FMNL1: variants seen among roughly 807,000 people sequenced by gnomAD.
FMNL1 encodes formin like 1.
In FMNL1, 43 loss-of-function variants were observed where a neutral mutation model predicts 121.3. The observed-to-expected ratio is 0.35, with a 90% CI of 0.28 to 0.46. FMNL1 has a LOEUF of 0.46. Ranked by LOEUF, FMNL1 falls within the 20% of genes least tolerant of loss-of-function variation. The probability of loss-of-function intolerance (pLI) is 1.00; values close to 1 mark genes in which losing one functional copy is unlikely to be tolerated. For missense variants in FMNL1, 1,191 were observed against 1,482.4 expected (o/e 0.80, Z 3.23); for synonymous variants, 613 against 613.5 (o/e 1.00, Z 0.01).
In FMNL1 at chr17:45,237,499, C is replaced by G. The variant is rs182570413; in HGVS notation, c.801-47C>G. ...GCCAGGCCTGTGCCCACCCTTGCCG[C>G]GGGTCCTGCCTGTTCTCAAGGGACA... On this transcript the variant is annotated intron_variant, in intron 8 of 26. Transcript: ENST00000331495. This position sits in a 1 kb window ranked among gnomAD's most constrained non-coding sequence, Gnocchi z 4.4. 6.2e-7 allele frequency: 1 copy of G among 1,611,718 alleles called. No homozygotes were observed. Among genetic ancestry groups the G allele is most frequent in the South Asian group, 1.1e-5 (1 of 90,986 alleles).
chr17:45,238,064 G>A (rs894099465), intron 9 of FMNL1: 1 of 202,330 alleles, frequency 4.9e-6, no homozygotes, highest in African/African-American at 2.3e-5. Flanking sequence ...TGCCTACTAT[G>A]TGTCAGGAAC....
Position 45,246,242 on chromosome 17 carries a change from C to A in FMNL1, c.3123C>A (p.Asp1041Glu). 6.2e-7 allele frequency: 1 copy of A among 1,613,638 alleles called. No individual in the cohort carries two copies. Among genetic ancestry groups the A allele is most frequent in the East Asian group, 2.2e-5 (1 of 44,860 alleles). The change falls in exon 25 of 27, where the codon GAC becomes GAA. Residue 1041 changes from aspartate to glutamate, a missense_variant. Physicochemically the swap from Asp to Glu is conservative, Grantham distance 45. Coordinates refer to ENST00000331495, the MANE Select transcript of FMNL1 (RefSeq NM_005892.4). Reference sequence around the variant, plus strand: ...CAAAGGCCCGGCGGCCACAGATGGACCTCATCTCTGAGCTGAAACGGAGGC... The same window carrying A: ...CAAAGGCCCGGCGGCCACAGATGGAACTCATCTCTGAGCTGAAACGGAGGC... ...SPPKARRPQM[D>E]LISELKRRQQ... is the part of the protein sequence containing the mutation.
Position 45,237,594 on chromosome 17 carries a change from G to A in FMNL1, c.849G>A (p.Arg283=). 6.2e-7 allele frequency: 1 copy of A among 1,614,174 alleles called. No individual in the cohort carries two copies. The highest frequency in any genetic ancestry group is 8.5e-7 in the Non-Finnish European group (1 of 1,180,022). The change falls in exon 9 of 27, where the codon CGG becomes CGA. Residue 283 remains arginine (R), a synonymous_variant. Coordinates refer to ENST00000331495, the MANE Select transcript of FMNL1 (RefSeq NM_005892.4). The surrounding 1 kb of genome is among the most constrained non-coding windows in gnomAD (Gnocchi z 4.4). ...LELLAAVCLV[R]GGHDIILAAF... is the part of the protein sequence containing the mutation. The stretch of plus-strand genomic sequence containing the variant: ...TGCTGGCGGCCGTGTGCTTGGTGCG[G>A]GGAGGACATGACATCATCCTTGCAG...
chr17:45,222,158 GCGGGCCCCGCCGCGC>G lies in FMNL1; in HGVS notation c.37_51del (p.Gly13_Pro17del). On this transcript the variant is annotated inframe_deletion, in exon 1 of 27. Coordinates refer to ENST00000331495, the MANE Select transcript of FMNL1 (RefSeq NM_005892.4). ...CGCGGCCGGCAGCGCCGAGCAGCCC[GCGGGCCCCGCCGCGC>G]CGCCCCCCAAGCAGCCCGCGCCTCC... The G allele has an allele frequency of 8.3e-7, 1 of 1,204,548 alleles. No individual in the cohort carries two copies. The highest frequency in any genetic ancestry group is 1.0e-6 in the Non-Finnish European group (1 of 972,494). 74.6% of individuals were successfully genotyped at this position (1,204,548 alleles called of 1,614,324 possible). A position where few individuals can be genotyped will look rare whatever the true frequency, so the allele number is the denominator to read the frequency against.
chr17:45,232,843 A>C, intron 3 of FMNL1: 8 of 519,776 alleles, frequency 1.5e-5, no homozygotes, highest in Non-Finnish European at 1.8e-5. Flanking sequence ...GAGAGAGAGA[A>C]TGTGTGTGTG....
intron 6 of FMNL1, 142 bp downstream of exon 6, chr17:45,234,342 G>A: frequency 7.1e-7 from 1 of 1,416,402 alleles, no homozygotes; most frequent in South Asian, 1.2e-5. Context: ...GACTCATACA[G>A]AGTTTGGGAC....
At position 45,237,266 on chromosome 17, in the gene FMNL1, C is replaced by T. The variant is rs1325324051; in HGVS notation, c.724-15C>T. 3 of 1,614,038 alleles carry T rather than the reference C, an allele frequency of 1.9e-6. No homozygotes were observed. The highest frequency in any genetic ancestry group is 1.3e-5 in the African/African-American group (1 of 75,052). ...GGGCCCTTCCTGGAGACACTGACCT[C>T]TCCTCTCTCCCCAGTCTGGCTTCAG... On this transcript the variant is annotated splice_polypyrimidine_tract_variant and intron_variant, in intron 7 of 26. Coordinates refer to ENST00000331495, the MANE Select transcript of FMNL1 (RefSeq NM_005892.4). This position sits in a 1 kb window ranked among gnomAD's most constrained non-coding sequence, Gnocchi z 4.4.
At position 45,242,473 on chromosome 17, in the gene FMNL1, G is replaced by A. The variant is rs200765921; in HGVS notation, c.2010+8G>A. Reference sequence around the variant, plus strand: ...GATGAGAAGGTGCTGCAGGTGAGTGGCCCTGCCTGGCTCCCCATGTGGGCA... The same window carrying A: ...GATGAGAAGGTGCTGCAGGTGAGTGACCCTGCCTGGCTCCCCATGTGGGCA... On this transcript the variant is annotated splice_region_variant and intron_variant, in intron 16 of 26. Transcript: ENST00000331495. The A allele has an allele frequency of 1.6e-5, 26 of 1,611,850 alleles. No individual in the cohort carries two copies. Among genetic ancestry groups the A allele is most frequent in the Non-Finnish European group, 2.0e-5 (24 of 1,178,336 alleles).
At position 45,241,435 on chromosome 17, in the gene FMNL1, T is replaced by C. The variant is rs2043690901; in HGVS notation, c.1386T>C (p.Pro462=). The C allele has an allele frequency of 7.7e-6, 12 of 1,563,408 alleles. No homozygotes were observed. The highest frequency in any genetic ancestry group is 1.7e-4 in the Middle Eastern group (1 of 5,748). The change falls in exon 14 of 27, where the codon CCT becomes CCC. Residue 462 remains proline, a synonymous_variant. Transcript: ENST00000331495. This position sits in a 1 kb window ranked among gnomAD's most constrained non-coding sequence, Gnocchi z 7.0. ...AMGPSRRPPE[P]EKAPPAAPTR... is the part of the protein sequence containing the mutation. ...GGCCCTCCAGGCGTCCCCCAGAGCC[T>C]GAGAAAGCGCCTCCCGCTGCCCCGA...
Position 45,243,274 on chromosome 17 carries a change from C to T in FMNL1, c.2167C>T (p.Arg723Trp), listed in dbSNP as rs1236549310. The change falls in exon 17 of 27, where the codon CGG becomes TGG. Residue 723 changes from arginine (R) to tryptophan (W), a missense_variant. By Grantham distance (101) the Arg-to-Trp change is moderately radical (BLOSUM62 -3). Coordinates refer to ENST00000331495, the MANE Select transcript of FMNL1 (RefSeq NM_005892.4). ...NRAKNLAITL[R>W]KGNLGAERIC... ...GGCCAAGAACTTGGCCATCACCCTG[C>T]GGAAGGGCAACCTGGGGGCCGAGCG... 32 of 1,613,778 alleles carry T rather than the reference C, an allele frequency of 2.0e-5. No homozygotes were observed. The highest frequency in any genetic ancestry group is 2.5e-5 in the Non-Finnish European group (30 of 1,179,942).
chr17:45,224,812 C>T (rs1395780669), intron 1 of FMNL1, among the ~76,000 whole-genome samples: 1 of 152,236 alleles, frequency 6.6e-6, no homozygotes, highest in Non-Finnish European at 1.5e-5. Flanking sequence ...CCGGCTGCTG[C>T]CTTAGCAACA....
Position 45,233,699 on chromosome 17 carries a change from C to A in FMNL1, c.453C>A (p.Leu151=). ...AGAACCGTGGCCTGGATGTGCTGCT[C>A]GAGTACCTGGCCTTTGCCCAGTGCT... ...NEENRGLDVL[L]EYLAFAQCSV... The change falls in exon 5 of 27, where the codon CTC becomes CTA. Residue 151 remains leucine, a synonymous_variant. Transcript: ENST00000331495. This position sits in a 1 kb window ranked among gnomAD's most constrained non-coding sequence, Gnocchi z 4.1. 1 of 1,614,044 alleles carries A rather than the reference C, an allele frequency of 6.2e-7. No homozygotes were observed. Among genetic ancestry groups the A allele is most frequent in the Non-Finnish European group, 8.5e-7 (1 of 1,179,964 alleles).
intron 7 of FMNL1, 79 bp downstream of exon 7, chr17:45,236,323 T>G: frequency 8.5e-7 from 1 of 1,173,032 alleles, no homozygotes; most frequent in African/African-American, 1.5e-5. Context: ...GCCGAGGCTC[T>G]GGGATCCACT....
Position 45,241,316 on chromosome 17 carries a change from A to G in FMNL1, c.1333-66A>G. 4.4e-6 allele frequency: 7 copies of G among 1,599,900 alleles called. No homozygotes were observed. Among genetic ancestry groups the G allele is most frequent in the Admixed American group, 1.7e-5 (1 of 58,088 alleles). ...CTTGACATCTCCCTCCACCCCGGGAAGAAGATGGAGGCTTGGTGCCAAGGA... is the reference window on the plus strand; with the variant it reads ...CTTGACATCTCCCTCCACCCCGGGAGGAAGATGGAGGCTTGGTGCCAAGGA... On this transcript the variant is annotated intron_variant, in intron 13 of 26. Coordinates refer to ENST00000331495, the MANE Select transcript of FMNL1 (RefSeq NM_005892.4). The surrounding 1 kb of genome is among the most constrained non-coding windows in gnomAD (Gnocchi z 7.0).
intron 10 of FMNL1, 77 bp from the exon 11 acceptor site, chr17:45,238,870 GGGAGGCTT>G: frequency 1.6e-6 from 2 of 1,218,448 alleles, no homozygotes; most frequent in Non-Finnish European, 2.4e-6. Flanking sequence ...TGGAGAAGGA[GGGAGGCTT>G]GGGGTAAGTG....
intron 24 of FMNL1, 38 bp from the exon 25 acceptor site, chr17:45,246,172 G>T: frequency 6.3e-7 from 1 of 1,582,996 alleles, no homozygotes; most frequent in South Asian, 1.1e-5. Flanking sequence ...TTGGTGATGG[G>T]GAGGCATCCT....
Position 45,240,490 on chromosome 17 carries a change from C to A in FMNL1, c.1095C>A (p.Thr365=). 6.2e-7 allele frequency: 1 copy of A among 1,612,702 alleles called. No homozygotes were observed. Among genetic ancestry groups the A allele is most frequent in the Non-Finnish European group, 8.5e-7 (1 of 1,179,284 alleles). ...LDLYLERLRL[T]ESDKLQVQIQ... ...CTGGGGGACAGAGGCTTCGGCTCAC[C>A]GAGAGTGACAAGCTGCAGGTGCAGA... The change falls in exon 12 of 27, where the codon ACC becomes ACA. Residue 365 remains threonine (T), a synonymous_variant. Transcript: ENST00000331495.
chr17:45,223,300 G>T (rs1177151186), intron 1 of FMNL1, among the ~76,000 whole-genome samples: 1 of 152,202 alleles, frequency 6.6e-6, no homozygotes, highest in African/African-American at 2.4e-5. Flanking sequence ...GCCGCAGAGG[G>T]TTCTGGCTCA....
intron 1 of FMNL1, among the ~76,000 whole-genome samples, chr17:45,223,952 G>A (rs779235781): frequency 1.6e-4 from 24 of 152,150 alleles, no homozygotes; most frequent in Non-Finnish European, 3.1e-4. Flanking sequence ...TGGATTTGTG[G>A]CTGTGATTGG....
Sources: gnomAD v4.1 joint callset for allele counts (sites outside exome capture counted in the v4.1 genomes callset) on GRCh38, gnomAD v4.1.1 for gene constraint, Gnocchi (gnomAD v3.1) non-coding constraint, MANE v1.5 for transcripts, NCBI Gene and HGNC (gene_info 2026-07-23, HGNC 2026-07-21) for gene names.